Variants in FAM81B observed in about 807,000 individuals in gnomAD.
FAM81B encodes the protein protein FAM81B.
Under a neutral mutation model 58.7 loss-of-function variants are expected in FAM81B, and 60 were observed. The ratio of observed to expected loss-of-function variants is 1.02; its 90% CI spans 0.83 to 1.27. The LOEUF (loss-of-function observed/expected upper bound fraction) is 1.27. Among genes scored for constraint, FAM81B ranks in the 50% most tolerant of loss-of-function variants. The pLI is 0.00. For synonymous variants in FAM81B, 189 were observed against 179.6 expected (o/e 1.05, Z -0.42); for missense variants, 491 against 522.0 (o/e 0.94, Z 0.58).
chr5:95,403,108 A>G (rs999615927), intron 3 of FAM81B, among the ~76,000 whole-genome samples: 5 of 152,184 alleles, frequency 3.3e-5, no homozygotes, highest in African/African-American at 1.2e-4. Context: ...TGAACAAATC[A>G]GTGGTGTTTA....
At chr5:95,432,717 TTCTC>T (rs1269971860) in intron 6 of FAM81B, among the ~76,000 whole-genome samples, 2 of 152,056 alleles carry the variant, frequency 1.3e-5, no homozygotes, top group South Asian at 2.1e-4. Context: ...GTGGTTTTAA[TTCTC>T]TCTGCTTTTA....
At chr5:95,408,461 T>G (rs1170849004) in intron 3 of FAM81B, among the ~76,000 whole-genome samples, 1 of 152,196 alleles carries the variant, frequency 6.6e-6, no homozygotes, top group Non-Finnish European at 1.5e-5. Flanking sequence ...GGTATTACAT[T>G]TGTATGGACC....
intron 7 of FAM81B, chr5:95,440,146 T>A: frequency 5.2e-6 from 3 of 576,588 alleles, no homozygotes. Context: ...ACAAGTTCTT[T>A]GAAAAGTGTC....
intron 3 of FAM81B, chr5:95,396,502 A>G (rs868469941): frequency 1.2e-4 from 22 of 180,108 alleles, no homozygotes; most frequent in Middle Eastern, 2.2e-3. Flanking sequence ...ATTGACTTCA[A>G]AATAAACCAA....
chr5:95,433,009 T>C (rs974537965), intron 6 of FAM81B, among the ~76,000 whole-genome samples: 8 of 152,236 alleles, frequency 5.3e-5, no homozygotes, highest in African/African-American at 1.4e-4. Context: ...GAATTTTTCC[T>C]GAGCATTCAT....
intron 9 of FAM81B, 87 bp from the exon 10 acceptor site, chr5:95,450,062 T>C (rs1473130210): frequency 5.4e-5 from 76 of 1,404,416 alleles, no homozygotes; most frequent in Non-Finnish European, 6.7e-6. Context: ...TGATAATCAA[T>C]TATGGCAGGA....
intron 7 of FAM81B, among the ~76,000 whole-genome samples, chr5:95,437,147 A>G (rs1453302083): frequency 6.6e-6 from 1 of 152,118 alleles, no homozygotes; most frequent in Admixed American, 6.5e-5. Flanking sequence ...CTGAATTGAC[A>G]CAATCATTTT....
intron 7 of FAM81B, among the ~76,000 whole-genome samples, chr5:95,439,008 A>T (rs1424568411): frequency 6.6e-6 from 1 of 150,816 alleles, no homozygotes. Flanking sequence ...TTTCTAGTAC[A>T]TCCTGGATAT....
At chr5:95,435,505 T>A (rs1745064820) in intron 6 of FAM81B, among the ~76,000 whole-genome samples, 1 of 152,226 alleles carries the variant, frequency 6.6e-6, no homozygotes. Flanking sequence ...TATATAAATC[T>A]ATGAAATACA....
At chr5:95,398,440 AAATAAATAAATAAAAAACTTCAGCCTTC>A (rs1762019215) in intron 3 of FAM81B, among the ~76,000 whole-genome samples, 1 of 129,656 alleles carries the variant, frequency 7.7e-6, no homozygotes. Context: ...ATAAATAAAT[AAATAAATAAATAAAAAACTTCAGCCTTC>A]AACTCATAGT....
At chr5:95,410,850 A>G (rs925454320) in intron 3 of FAM81B, 9 of 152,348 alleles carry the variant, frequency 5.9e-5, no homozygotes, top group African/African-American at 2.2e-4. Flanking sequence ...CAGGTGACCT[A>G]GAGCTAATCC....
chr5:95,449,626 C>T (rs1400602480), intron 9 of FAM81B, among the ~76,000 whole-genome samples: 1 of 152,056 alleles, frequency 6.6e-6, no homozygotes, highest in African/African-American at 2.4e-5. Flanking sequence ...TGGGTTGTGC[C>T]CTAAGGCCTT....
In FAM81B at chr5:95,437,341, TTTATTA is replaced by T. The variant is rs894662774; in HGVS notation, c.893+450_893+455del. On this transcript the variant is annotated intron_variant, in intron 7 of 9. Coordinates refer to ENST00000283357, the MANE Select transcript of FAM81B (RefSeq NM_152548.3). ...ATTTACTCCTTTACATTATCATTAT[TTTATTA>T]TTATTATTATTATTTTGAGACGGAG... 4.0e-5 allele frequency among the ~76,000 whole-genome samples: 6 copies of T among 151,840 alleles called. No individual in the cohort carries two copies. In the East Asian group the frequency reaches 9.6e-4, roughly 24 times the overall value.
intron 9 of FAM81B, among the ~76,000 whole-genome samples, chr5:95,449,889 T>C (rs1386654174): frequency 6.6e-6 from 1 of 152,222 alleles, no homozygotes; most frequent in Non-Finnish European, 1.5e-5. Flanking sequence ...AATATAGAAT[T>C]ATGCAATATA....
chr5:95,426,031 T>C (rs1169750896), intron 5 of FAM81B, among the ~76,000 whole-genome samples: 1 of 148,966 alleles, frequency 6.7e-6, no homozygotes, highest in Non-Finnish European at 1.5e-5. Flanking sequence ...TGTAATATTT[T>C]AAAGTTGATG....
At position 95,450,209 on chromosome 5, in the gene FAM81B, A is replaced by C; in HGVS notation, c.1286A>C (p.Asp429Ala). 1 of 1,613,366 alleles carries C rather than the reference A, an allele frequency of 6.2e-7. No homozygotes were observed. Among genetic ancestry groups the C allele is most frequent in the Non-Finnish European group, 8.5e-7 (1 of 1,179,638 alleles). The change falls in exon 10 of 10, where the codon GAT becomes GCT. Residue 429 changes from aspartate (D) to alanine (A), a missense_variant. Asp to Ala is a moderately radical substitution (Grantham distance 126, BLOSUM62 -2). Coordinates refer to ENST00000283357, the MANE Select transcript of FAM81B (RefSeq NM_152548.3). ...CAACAAATACAGAAAACAAAGATGGATTTAGAGAAATATAAAGTACAGAAA... is the reference window on the plus strand; with the variant it reads ...CAACAAATACAGAAAACAAAGATGGCTTTAGAGAAATATAAAGTACAGAAA... ...SLQQIQKTKMDLEKYKVQKDL... is the reference protein window; with the variant it reads ...SLQQIQKTKMALEKYKVQKDL...
intron 3 of FAM81B, among the ~76,000 whole-genome samples, chr5:95,411,343 A>G (rs536499591): frequency 6.6e-6 from 1 of 152,236 alleles, no homozygotes; most frequent in African/African-American, 2.4e-5. Context: ...AATAATTTAA[A>G]AGACATTTCT....
At chr5:95,442,125 C>A (rs1245563973) in intron 7 of FAM81B, among the ~76,000 whole-genome samples, 2 of 152,182 alleles carry the variant, frequency 1.3e-5, no homozygotes, top group African/African-American at 4.8e-5. Flanking sequence ...AACTTTGTAT[C>A]TTTAGCACCC....
intron 7 of FAM81B, among the ~76,000 whole-genome samples, chr5:95,437,414 TG>T (rs751809922): frequency 3.3e-5 from 5 of 152,210 alleles, no homozygotes; most frequent in Non-Finnish European, 5.9e-5. Flanking sequence ...GGCGCGTCTC[TG>T]CTTACTGCAA....
Sources: allele counts gnomAD v4.1 joint callset (sites outside exome capture counted in the v4.1 genomes callset), GRCh38; gene constraint gnomAD v4.1.1; transcripts MANE v1.5; gene names NCBI Gene and HGNC (gene_info 2026-07-23, HGNC 2026-07-21).